The following IMMP2L variants were observed in gnomAD, a reference collection of about 807,000 sequenced individuals.
IMMP2L encodes the protein inner mitochondrial membrane peptidase subunit 2, also known as mitochondrial inner membrane protease subunit 2.
IMMP2L carries 18 observed loss-of-function variants against 19.3 expected under a neutral mutation model. The ratio of observed to expected loss-of-function variants is 0.93; its 90% CI spans 0.64 to 1.38. The LOEUF is 1.38. Ranked by LOEUF, IMMP2L falls within the 40% of genes most tolerant of loss-of-function variation. IMMP2L has a pLI of 0.00. For missense variants in IMMP2L, 233 were observed against 218.2 expected (o/e 1.07, Z -0.43); for synonymous variants, 76 against 73.0 (o/e 1.04, Z -0.21).
intron 5 of IMMP2L, among the ~76,000 whole-genome samples, chr7:110,849,205 C>A (rs1202852876): frequency 1.3e-5 from 2 of 152,010 alleles, no homozygotes; most frequent in Non-Finnish European, 2.9e-5. Context: ...GTACTTTCTG[C>A]TCCATTTTGC....
At chr7:111,029,320 C>G (rs1336340288) in intron 3 of IMMP2L, among the ~76,000 whole-genome samples, 1 of 152,092 alleles carries the variant, frequency 6.6e-6, no homozygotes, top group East Asian at 1.9e-4. Flanking sequence ...AGATGAGAGC[C>G]GGCAATATCT....
intron 3 of IMMP2L, among the ~76,000 whole-genome samples, chr7:111,063,447 A>G (rs758663737): frequency 1.3e-5 from 2 of 152,172 alleles, no homozygotes; most frequent in African/African-American, 2.4e-5. Context: ...CATGCCCTGA[A>G]GACATTTTCC....
intron 3 of IMMP2L, among the ~76,000 whole-genome samples, chr7:111,084,783 G>A (rs1044499877): frequency 5.9e-5 from 9 of 152,158 alleles, no homozygotes; most frequent in Non-Finnish European, 1.3e-4. Flanking sequence ...AGAAATCAGA[G>A]AAAAGTCAAC....
intron 3 of IMMP2L, among the ~76,000 whole-genome samples, chr7:111,118,239 T>C (rs1800130602): frequency 6.6e-6 from 1 of 152,070 alleles, no homozygotes; most frequent in South Asian, 2.1e-4. Context: ...CCAGTGTCTA[T>C]GATAATGCCT....
At chr7:111,287,617 A>C (rs539487195) in intron 3 of IMMP2L, among the ~76,000 whole-genome samples, 1 of 152,288 alleles carries the variant, frequency 6.6e-6, no homozygotes, top group East Asian at 1.9e-4. Flanking sequence ...ATTGAGTATG[A>C]AAATGGCTAC....
chr7:111,059,625 T>C (rs986855253), intron 3 of IMMP2L, among the ~76,000 whole-genome samples: 1 of 152,184 alleles, frequency 6.6e-6, no homozygotes, highest in Non-Finnish European at 1.5e-5. Context: ...GGCACTCAAA[T>C]GCTCACTTAA....
chr7:111,438,391 A>G (rs1264516029), intron 3 of IMMP2L, among the ~76,000 whole-genome samples: 2 of 151,762 alleles, frequency 1.3e-5, no homozygotes, highest in Non-Finnish European at 2.9e-5. Flanking sequence ...GAAGATTTTT[A>G]TGAAAAACCT....
At chr7:111,252,466 G>A (rs150731239) in intron 3 of IMMP2L, among the ~76,000 whole-genome samples, 466 of 152,186 alleles carry the variant, frequency 3.1e-3, no homozygotes, top group African/African-American at 0.01. Context: ...ATTGTCATAA[G>A]TATAATTTAA....
intron 4 of IMMP2L, among the ~76,000 whole-genome samples, chr7:110,951,213 T>C (rs1312320588): frequency 1.3e-5 from 2 of 151,928 alleles, no homozygotes; most frequent in East Asian, 1.9e-4. Context: ...ATTGTGCCTA[T>C]AGTAAACAAT....
chr7:111,178,578 CTGTCACTGCTTTA>C (rs1807342815), intron 3 of IMMP2L, among the ~76,000 whole-genome samples: 1 of 152,222 alleles, frequency 6.6e-6, no homozygotes, highest in South Asian at 2.1e-4. Flanking sequence ...CTCTCAAACC[CTGTCACTGCTTTA>C]TCAGCAAAGT....
chr7:111,269,472 T>C (rs1353880897), intron 3 of IMMP2L, among the ~76,000 whole-genome samples: 1 of 152,180 alleles, frequency 6.6e-6, no homozygotes, highest in Non-Finnish European at 1.5e-5. Flanking sequence ...ATGTGTTTGC[T>C]ATATACTATG....
intron 3 of IMMP2L, among the ~76,000 whole-genome samples, chr7:111,069,661 T>G (rs1179906162): frequency 6.6e-6 from 1 of 152,150 alleles, no homozygotes; most frequent in Non-Finnish European, 1.5e-5. Context: ...CGAGACTCTC[T>G]GCAGTATTGC....
At chr7:111,063,676 C>A (rs535261688) in intron 3 of IMMP2L, among the ~76,000 whole-genome samples, 29 of 149,398 alleles carry the variant, frequency 1.9e-4, no homozygotes, top group African/African-American at 4.6e-4. Context: ...TTTCTTCCTC[C>A]AGATACCTTA....
At chr7:110,938,659 C>T (rs1430281364) in intron 4 of IMMP2L, among the ~76,000 whole-genome samples, 1 of 151,978 alleles carries the variant, frequency 6.6e-6, no homozygotes, top group Non-Finnish European at 1.5e-5. Context: ...GCGATGGGTA[C>T]AGTAAAAGCC....
chr7:111,316,003 C>T (rs1824030564), intron 3 of IMMP2L, among the ~76,000 whole-genome samples: 1 of 152,020 alleles, frequency 6.6e-6, no homozygotes, highest in Non-Finnish European at 1.5e-5. Flanking sequence ...ATGGTATGGC[C>T]GACTACCCCT....
chr7:111,310,009 T>C (rs901850356), intron 3 of IMMP2L, among the ~76,000 whole-genome samples: 1 of 151,780 alleles, frequency 6.6e-6, no homozygotes, highest in East Asian at 1.9e-4. Context: ...CCAAGGCGGG[T>C]GGATCACCTG....
At chr7:111,448,717 A>G in intron 3 of IMMP2L, among the ~76,000 whole-genome samples, 1 of 112,818 alleles carries the variant, frequency 8.9e-6, no homozygotes. Flanking sequence ...TCAGAGCAGA[A>G]CTCAAGGAAA....
chr7:110,728,761 T>C lies in IMMP2L; in HGVS notation c.409-65040A>G, dbSNP rs1796061556. ...ACTGTACTATGGGTTCTGTGCATAT[T>C]ACCTCATTTGTTTCTCACCATATTC... On this transcript the variant is annotated intron_variant, in intron 5 of 5. Transcript: ENST00000405709. The surrounding 1 kb of genome is among the most constrained non-coding windows in gnomAD (Gnocchi z 4.6). 1.3e-5 allele frequency among the ~76,000 whole-genome samples: 2 copies of C among 152,198 alleles called. No homozygotes were observed. The highest frequency in any genetic ancestry group is 2.9e-5 in the Non-Finnish European group (2 of 68,032).
intron 5 of IMMP2L, among the ~76,000 whole-genome samples, chr7:110,795,466 T>C (rs1171690631): frequency 6.6e-6 from 1 of 152,102 alleles, no homozygotes; most frequent in Non-Finnish European, 1.5e-5. Context: ...AACATTGTCA[T>C]AAAATTGAAG....
Sources: gnomAD v4.1 joint callset for allele counts (sites outside exome capture counted in the v4.1 genomes callset) on GRCh38, gnomAD v4.1.1 for gene constraint, Gnocchi (gnomAD v3.1) non-coding constraint, MANE v1.5 for transcripts, NCBI Gene and HGNC (gene_info 2026-07-23, HGNC 2026-07-21) for gene names.